The following PTPN9 variants were observed in gnomAD, a reference collection of about 807,000 sequenced individuals.
PTPN9 encodes protein tyrosine phosphatase non-receptor type 9.
Under a neutral mutation model 69.8 loss-of-function variants are expected in PTPN9, and 26 were observed. The ratio of observed to expected loss-of-function variants is 0.37; its 90% confidence interval spans 0.27 to 0.52. The LOEUF (loss-of-function observed/expected upper bound fraction) is 0.52, where lower values mean the gene tolerates loss of function less well. Ranked by LOEUF, PTPN9 falls within the 20% of genes least tolerant of loss-of-function variation. The pLI is 0.91. For missense variants in PTPN9, 549 were observed against 740.3 expected, an observed-to-expected ratio of 0.74 and a Z score of 3.00; for synonymous variants, 274 against 272.5, an observed-to-expected ratio of 1.01 and a Z score of -0.05.
At chr15:75,547,592 T>C (rs868050512) in intron 1 of PTPN9, among the ~76,000 whole-genome samples, 7 of 152,144 alleles carry the variant, frequency 4.6e-5, no homozygotes, top group African/African-American at 1.4e-4. Context: ...CTTGAAGGCA[T>C]TGTGTAAAAC....
chr15:75,496,690 T>A (rs1179251769), intron 7 of PTPN9, among the ~76,000 whole-genome samples: 2 of 151,614 alleles, frequency 1.3e-5, no homozygotes, highest in Non-Finnish European at 2.9e-5. Context: ...AGAGACAGGG[T>A]TTCCACCTGT....
intron 8 of PTPN9, chr15:75,480,730 C>G: frequency 7.7e-7 from 1 of 1,301,482 alleles, no homozygotes; most frequent in Non-Finnish European, 9.9e-7. Context: ...TGGAGTTCAG[C>G]GGGCAGCGGA....
intron 1 of PTPN9, among the ~76,000 whole-genome samples, chr15:75,552,989 G>A (rs887127400): frequency 4.0e-5 from 6 of 151,850 alleles, no homozygotes; most frequent in African/African-American, 1.5e-4. Flanking sequence ...AGACAGCCAA[G>A]GGTTTGTATT....
intron 12 of PTPN9, 124 bp downstream of exon 12, chr15:75,469,668 C>T (rs2074553516): frequency 9.4e-7 from 1 of 1,060,294 alleles, no homozygotes; most frequent in Non-Finnish European, 1.4e-6. Flanking sequence ...TTTTTCACAG[C>T]AATTCACCAC....
intron 7 of PTPN9, among the ~76,000 whole-genome samples, chr15:75,503,612 C>G (rs1316986812): frequency 7.4e-6 from 1 of 134,998 alleles, no homozygotes; most frequent in Non-Finnish European, 1.6e-5. Context: ...CAGCCCCCCG[C>G]CCGGCCAGCC....
intron 9 of PTPN9, among the ~76,000 whole-genome samples, chr15:75,475,316 C>T (rs1335053736): frequency 1.3e-5 from 2 of 152,168 alleles, no homozygotes; most frequent in African/African-American, 4.8e-5. Context: ...GCAGGGCTCA[C>T]ACCTGTAATC....
At chr15:75,543,130 G>A (rs1283753057) in intron 1 of PTPN9, among the ~76,000 whole-genome samples, 1 of 151,380 alleles carries the variant, frequency 6.6e-6, no homozygotes, top group African/African-American at 2.4e-5. Context: ...ATACTTTGCT[G>A]AGAATGATGT....
chr15:75,494,274 T>TCAG (rs918748338), intron 7 of PTPN9, among the ~76,000 whole-genome samples: 1 of 151,864 alleles, frequency 6.6e-6, no homozygotes, highest in African/African-American at 2.4e-5. Flanking sequence ...TAACAAACCT[T>TCAG]CAGATTAAAA....
At chr15:75,495,563 A>G (rs1168799353) in intron 7 of PTPN9, among the ~76,000 whole-genome samples, 2 of 152,030 alleles carry the variant, frequency 1.3e-5, no homozygotes, top group African/African-American at 4.8e-5. Context: ...AAATAACAAA[A>G]AACATTAGCT....
intron 8 of PTPN9, among the ~76,000 whole-genome samples, chr15:75,482,489 C>T (rs1229203000): frequency 1.4e-5 from 2 of 145,790 alleles, no homozygotes; most frequent in African/African-American, 5.1e-5. Flanking sequence ...GGCGTGAACC[C>T]GGGAGGCGGA....
intron 7 of PTPN9, among the ~76,000 whole-genome samples, chr15:75,503,060 C>G (rs912278151): frequency 6.6e-6 from 1 of 150,558 alleles, no homozygotes; most frequent in African/African-American, 2.4e-5. Flanking sequence ...GCCACCACCC[C>G]GTCTGGGAAG....
intron 7 of PTPN9, among the ~76,000 whole-genome samples, chr15:75,495,499 G>A (rs2074735206): frequency 6.6e-6 from 1 of 152,116 alleles, no homozygotes; most frequent in Non-Finnish European, 1.5e-5. Context: ...GATCACTTGA[G>A]GTCAGGAGTT....
chr15:75,514,659 C>T (rs1046847575), intron 5 of PTPN9, among the ~76,000 whole-genome samples: 39 of 152,002 alleles, frequency 2.6e-4, no homozygotes, highest in African/African-American at 9.2e-4. Flanking sequence ...GTTTACTGTG[C>T]GCACACATTA....
intron 1 of PTPN9, among the ~76,000 whole-genome samples, chr15:75,569,022 C>T (rs1241578855): frequency 6.6e-6 from 1 of 152,088 alleles, no homozygotes. Context: ...GAATAGAAAA[C>T]AGTGGTTATT....
chr15:75,534,885 A>G (rs2074976728), intron 1 of PTPN9, among the ~76,000 whole-genome samples: 1 of 152,164 alleles, frequency 6.6e-6, no homozygotes, highest in African/African-American at 2.4e-5. Flanking sequence ...ATGCGGGAGA[A>G]TAGCTTGAAC....
intron 2 of PTPN9, 108 bp downstream of exon 2, chr15:75,527,010 A>G: frequency 7.2e-7 from 1 of 1,389,236 alleles, no homozygotes; most frequent in Non-Finnish European, 9.9e-7. Flanking sequence ...TTTTTTATGA[A>G]AGTGAGGAGG....
At chr15:75,558,576 C>T (rs540273007) in intron 1 of PTPN9, among the ~76,000 whole-genome samples, 89 of 152,232 alleles carry the variant, frequency 5.8e-4, no homozygotes, top group African/African-American at 2.0e-3. Flanking sequence ...CCTCTGACGC[C>T]GAGCCGAAGC....
intron 7 of PTPN9, among the ~76,000 whole-genome samples, chr15:75,504,011 C>G (rs1231356484): frequency 3.0e-4 from 42 of 138,494 alleles, no homozygotes; most frequent in South Asian, 4.7e-4. Flanking sequence ...GGCCAGCCGC[C>G]CCGTCCGGGA....
chr15:75,548,100 TTAGG>T (rs1371250824), intron 1 of PTPN9, among the ~76,000 whole-genome samples: 1 of 152,232 alleles, frequency 6.6e-6, no homozygotes, highest in South Asian at 2.1e-4. Flanking sequence ...TTTCGAACTG[TTAGG>T]TAACTTGTCC....
Sources: gnomAD v4.1 joint callset for allele counts (sites outside exome capture counted in the v4.1 genomes callset) on GRCh38, gnomAD v4.1.1 for gene constraint, MANE v1.5 for transcripts, NCBI Gene and HGNC (gene_info 2026-07-23, HGNC 2026-07-21) for gene names.